Variants in CHRNA2 observed in about 807,000 individuals in gnomAD.
The protein encoded by CHRNA2 is neuronal acetylcholine receptor subunit alpha-2.
CHRNA2 carries 40 observed loss-of-function variants against 45.5 expected under a neutral mutation model. The ratio of observed to expected loss-of-function variants is 0.88; its 90% CI spans 0.68 to 1.15. The LOEUF is 1.15. CHRNA2 is among the 50% of genes most tolerant of loss of function. CHRNA2 has a pLI of 0.00. For synonymous variants in CHRNA2, 301 were observed against 296.7 expected, an observed-to-expected ratio of 1.01 and a Z score of -0.15; for missense variants, 655 against 701.7, an observed-to-expected ratio of 0.93 and a Z score of 0.75.
rs1451704235 is a variant in CHRNA2 at position 27,459,860 on chromosome 8, G to A, written c.*1769C>T. On this transcript the variant is annotated 3_prime_UTR_variant, in exon 7 of 7. Transcript: ENST00000407991. ...GAACATCACTGTCTCAGGAGAGTGG[G>A]TCTGGGAGCCTGGACCCGAGAGCTC... 6.6e-6 allele frequency: 1 copy of A among 152,442 alleles called. No individual in the cohort carries two copies. The highest frequency in any genetic ancestry group is 2.4e-5 in the African/African-American group (1 of 41,470). The allele number at this position is 152,442 out of a possible 1,614,324, so 9.4% of individuals were successfully genotyped here. A position where few individuals can be genotyped will look rare whatever the true frequency, so the allele number is the denominator to read the frequency against.
chr8:27,464,857 C>T (rs1172537876), intron 5 of CHRNA2, among the ~76,000 whole-genome samples: 1 of 152,138 alleles, frequency 6.6e-6, no homozygotes, highest in African/African-American at 2.4e-5. Flanking sequence ...TGAGAAAAGT[C>T]CCTGCCTTTA....
intron 2 of CHRNA2, 187 bp from the exon 3 acceptor site, chr8:27,470,168 T>C (rs1812833099): frequency 3.0e-6 from 2 of 666,798 alleles, no homozygotes; most frequent in South Asian, 3.4e-5. Context: ...TGTTTTGTGA[T>C]GTTAGAGAAG....
chr8:27,470,333 A>G (rs1812840887), intron 2 of CHRNA2, among the ~76,000 whole-genome samples: 1 of 152,190 alleles, frequency 6.6e-6, no homozygotes, highest in Admixed American at 6.5e-5. Flanking sequence ...GCGGGGCTGC[A>G]GGGAGAAGGG....
chr8:27,467,291 G>A lies in CHRNA2; in HGVS notation c.387C>T (p.Asn129=). Residue 129 remains asparagine, a synonymous_variant, in exon 5 of 7, where the codon AAC becomes AAT. Transcript: ENST00000407991. The part of the protein sequence containing the change: ...KLRWNPTDFG[N]ITSLRVPSEM... ...CAGAAGGGACCCTGAGAGATGTGAT[G>A]TTGCCAAAATCAGTGGGGTTCCAGC... The A allele has an allele frequency of 6.2e-7, 1 of 1,614,088 alleles. No homozygotes were observed. The highest frequency in any genetic ancestry group is 8.5e-7 in the Non-Finnish European group (1 of 1,179,914).
chr8:27,464,319 T>C (rs995729333), intron 5 of CHRNA2, among the ~76,000 whole-genome samples: 3 of 152,236 alleles, frequency 2.0e-5, no homozygotes, highest in African/African-American at 7.2e-5. Context: ...ATATACATAA[T>C]CTATCAGTAT....
Position 27,463,045 on chromosome 8 carries a change from CAT to C in CHRNA2, c.1396_1397del (p.Met466AlafsTer17). ...AGTGCACACCTTCCAGTGCCTTCTG[CAT>C]GTGGGGTGATAGCAGCAGCTCACCC... ...QEGELLLSPHMQKALEGVHYI... is the reference protein window; with the variant it reads ...QEGELLLSPHXQKALEGVHYI... On this transcript the variant is annotated frameshift_variant, in exon 6 of 7. Transcript: ENST00000407991. LOFTEE classifies it high-confidence loss of function. This position sits in a 1 kb window ranked among gnomAD's most constrained non-coding sequence, Gnocchi z 6.1. 6.2e-7 allele frequency: 1 copy of C among 1,613,870 alleles called. No homozygotes were observed. The highest frequency in any genetic ancestry group is 8.5e-7 in the Non-Finnish European group (1 of 1,179,776).
chr8:27,466,981 C>T (rs1563320837), intron 5 of CHRNA2, among the ~76,000 whole-genome samples: 1 of 152,226 alleles, frequency 6.6e-6, no homozygotes, highest in Non-Finnish European at 1.5e-5. Flanking sequence ...GGACAAATCT[C>T]TGTCCCTCTA....
intron 5 of CHRNA2, among the ~76,000 whole-genome samples, chr8:27,464,590 A>G (rs1812640010): frequency 6.6e-6 from 1 of 152,038 alleles, no homozygotes; most frequent in Admixed American, 6.5e-5. Flanking sequence ...ATGACATCAC[A>G]GGGGGTCAAA....
Position 27,463,399 on chromosome 8 carries a change from G to T in CHRNA2, c.1044C>A (p.Phe348Leu). 6.2e-7 allele frequency: 1 copy of T among 1,614,156 alleles called. No individual in the cohort carries two copies. Among genetic ancestry groups the T allele is most frequent in the Non-Finnish European group, 8.5e-7 (1 of 1,180,040 alleles). Residue 348 changes from phenylalanine to leucine, a missense_variant, in exon 6 of 7, where the codon TTC (phenylalanine) becomes TTA (leucine). Physicochemically the swap from Phe to Leu is conservative, Grantham distance 22. Transcript: ENST00000407991. The surrounding 1 kb of genome is among the most constrained non-coding windows in gnomAD (Gnocchi z 6.1). ...FVTLSIVITV[F>L]VLNVHHRSPS... ...GGGAGCGGTGGTGCACATTGAGCAC[G>T]AAGACGGTGATGACGATGGACAGGG...
chr8:27,467,146 A>C (rs1279213750), intron 5 of CHRNA2, 83 bp downstream of exon 5: 22 of 1,027,032 alleles, frequency 2.1e-5, no homozygotes, highest in Non-Finnish European at 2.9e-5. Flanking sequence ...AGCTGACACC[A>C]GGGGGGCCCC....
intron 1 of CHRNA2, among the ~76,000 whole-genome samples, chr8:27,472,272 A>T (rs1047842490): frequency 1.3e-5 from 2 of 152,234 alleles, no homozygotes; most frequent in South Asian, 4.1e-4. Flanking sequence ...GGGAACCCCA[A>T]TTTATAGCCA....
chr8:27,478,394 C>T (rs1443705388), intron 1 of CHRNA2, among the ~76,000 whole-genome samples: 1 of 152,170 alleles, frequency 6.6e-6, no homozygotes, highest in African/African-American at 2.4e-5. Flanking sequence ...CAAATGCCAG[C>T]CTTGGAACAA....
rs747500158 is a variant in CHRNA2, at chr8:27,461,721, T to G, written c.1498A>C (p.Ile500Leu). ...AACAGCCAGAGGAAGATCCTGTCGA[T>G]GACCATGGCAACATACTTCCAGTCC... ...KEDWKYVAMV[I>L]DRIFLWLFII... is the part of the protein sequence containing the mutation. Residue 500 changes from isoleucine to leucine, a missense_variant, in exon 7 of 7, where the codon ATC (isoleucine) becomes CTC (leucine). By Grantham distance (5) the Ile-to-Leu change is conservative. Coordinates refer to ENST00000407991, the MANE Select transcript of CHRNA2 (RefSeq NM_000742.4). 1.2e-6 allele frequency: 2 copies of G among 1,614,130 alleles called. No homozygotes were observed. The highest frequency in any genetic ancestry group is 1.7e-6 in the Non-Finnish European group (2 of 1,179,954).
intron 4 of CHRNA2, among the ~76,000 whole-genome samples, chr8:27,468,936 C>G (rs981449330): frequency 2.0e-5 from 3 of 152,208 alleles, no homozygotes; most frequent in Admixed American, 2.0e-4. Context: ...GAGCCTGGGA[C>G]TCGGAGTCAG....
chr8:27,478,250 G>T (rs1023322908), intron 1 of CHRNA2, among the ~76,000 whole-genome samples: 5 of 152,162 alleles, frequency 3.3e-5, no homozygotes, highest in African/African-American at 4.8e-5. Flanking sequence ...CACTCAAGGT[G>T]CTTAGGGGCT....
At chr8:27,472,768 C>T (rs1812929850) in intron 1 of CHRNA2, among the ~76,000 whole-genome samples, 1 of 151,978 alleles carries the variant, frequency 6.6e-6, no homozygotes, top group African/African-American at 2.4e-5. Flanking sequence ...TAAAATTCAC[C>T]GAATTGCACA....
intron 3 of CHRNA2, 167 bp downstream of exon 3, chr8:27,469,594 G>T (rs1812804821): frequency 1.1e-6 from 1 of 913,208 alleles, no homozygotes; most frequent in Non-Finnish European, 1.7e-6. Flanking sequence ...GAGCTCCAGA[G>T]CTGGGAGAGG....
At chr8:27,464,025 T>G in intron 5 of CHRNA2, 32 bp from the exon 6 acceptor site, 1 of 1,612,274 alleles carries the variant, frequency 6.2e-7, no homozygotes. Flanking sequence ...GGGAGACCCC[T>G]GCACACCCAC....
intron 2 of CHRNA2, among the ~76,000 whole-genome samples, chr8:27,470,740 A>G (rs1378357785): frequency 6.6e-6 from 1 of 152,202 alleles, no homozygotes; most frequent in Non-Finnish European, 1.5e-5. Context: ...GAGGTACACA[A>G]CACTATTTGC....
Sources: allele counts gnomAD v4.1 joint callset (sites outside exome capture counted in the v4.1 genomes callset), GRCh38; gene constraint gnomAD v4.1.1; non-coding constraint Gnocchi (gnomAD v3.1); transcripts MANE v1.5; gene names NCBI Gene and HGNC (gene_info 2026-07-23, HGNC 2026-07-21).